MCU: variants seen among roughly 807,000 people sequenced by gnomAD.
The protein encoded by MCU is calcium uniporter protein, mitochondrial.
In MCU, 12 loss-of-function variants were observed where a neutral mutation model predicts 45.2. That is an observed-to-expected ratio of 0.27 (90% confidence interval 0.17 to 0.43). The LOEUF is 0.43. Among genes scored for constraint, MCU ranks in the 20% least tolerant of loss-of-function variants. The pLI is 1.00. For synonymous variants in MCU, 160 were observed against 165.1 expected, an observed-to-expected ratio of 0.97 and a Z score of 0.24; for missense variants, 324 against 436.7, an observed-to-expected ratio of 0.74 and a Z score of 2.30.
chr10:72,802,364 A>G (rs1200256986), intron 1 of MCU, among the ~76,000 whole-genome samples: 1 of 151,388 alleles, frequency 6.6e-6, no homozygotes, highest in Non-Finnish European at 1.5e-5. Flanking sequence ...TAAAAATAAT[A>G]TTGTACTTAA....
At chr10:72,708,085 T>C (rs1231166747) in intron 1 of MCU, among the ~76,000 whole-genome samples, 2 of 152,228 alleles carry the variant, frequency 1.3e-5, no homozygotes, top group Non-Finnish European at 2.9e-5. Context: ...TCAGGTATTG[T>C]GTATTTGCTT....
At chr10:72,838,846 C>T (rs1367094843) in intron 2 of MCU, among the ~76,000 whole-genome samples, 1 of 152,060 alleles carries the variant, frequency 6.6e-6, no homozygotes, top group Admixed American at 6.5e-5. Flanking sequence ...AACCTAAGGT[C>T]TGTGCATGGT....
intron 1 of MCU, among the ~76,000 whole-genome samples, chr10:72,764,950 T>C (rs182944871): frequency 5.3e-5 from 8 of 152,182 alleles, no homozygotes; most frequent in African/African-American, 1.9e-4. Flanking sequence ...TTTGCCCTTA[T>C]AAAGAATTAA....
At chr10:72,834,181 A>G (rs2132834105) in intron 1 of MCU, among the ~76,000 whole-genome samples, 178 bp from the exon 2 acceptor site, 1 of 152,320 alleles carries the variant, frequency 6.6e-6, no homozygotes, top group Non-Finnish European at 1.5e-5. Context: ...CACCACTATT[A>G]TTTCAGGATG....
chr10:72,819,038 G>A (rs994996300), intron 1 of MCU, among the ~76,000 whole-genome samples: 1 of 151,956 alleles, frequency 6.6e-6, no homozygotes, highest in African/African-American at 2.4e-5. Flanking sequence ...TCTTCTGATG[G>A]GCAAGACAGA....
At chr10:72,762,798 T>C (rs1020437052) in intron 1 of MCU, among the ~76,000 whole-genome samples, 4 of 152,216 alleles carry the variant, frequency 2.6e-5, no homozygotes, top group Non-Finnish European at 4.4e-5. Flanking sequence ...GTCATAAAAC[T>C]GTTCCCCAGT....
At chr10:72,804,017 AATATATATATATATATATATATAT>A (rs35518652) in intron 1 of MCU, among the ~76,000 whole-genome samples, 990 of 34,886 alleles carry the variant, frequency 0.028, 46 homozygotes, top group African/African-American at 0.057. Context: ...AATGTAAGTA[AATATATATATATATATATATATAT>A]ATATATATAT....
intron 1 of MCU, among the ~76,000 whole-genome samples, chr10:72,741,751 G>A (rs867002421): frequency 6.6e-6 from 1 of 152,048 alleles, no homozygotes; most frequent in Non-Finnish European, 1.5e-5. Flanking sequence ...ATTGGAGACT[G>A]GGCCTGGTGG....
At chr10:72,715,991 A>G (rs923318751) in intron 1 of MCU, 1 of 625,954 alleles carries the variant, frequency 1.6e-6, no homozygotes, top group Non-Finnish European at 2.0e-6. Flanking sequence ...TATGAAATCT[A>G]TGTTGCCAGT....
At chr10:72,805,766 C>T (rs1050566397) in intron 1 of MCU, among the ~76,000 whole-genome samples, 1 of 152,178 alleles carries the variant, frequency 6.6e-6, no homozygotes, top group Non-Finnish European at 1.5e-5. Flanking sequence ...TATGTACAGG[C>T]ACTTCCTGCT....
chr10:72,756,241 C>T (rs185254614), intron 1 of MCU, among the ~76,000 whole-genome samples: 1 of 152,110 alleles, frequency 6.6e-6, no homozygotes, highest in Non-Finnish European at 1.5e-5. Context: ...CCTGCCTCAG[C>T]CTCCAAAAGT....
intron 1 of MCU, among the ~76,000 whole-genome samples, chr10:72,744,259 G>A (rs966507720): frequency 2.0e-5 from 3 of 148,348 alleles, no homozygotes; most frequent in African/African-American, 5.0e-5. Flanking sequence ...AAGATTTTTG[G>A]GTGCGTAATA....
intron 1 of MCU, among the ~76,000 whole-genome samples, chr10:72,774,752 A>G (rs1589453720): frequency 1.3e-5 from 2 of 152,312 alleles, no homozygotes; most frequent in East Asian, 1.9e-4. Flanking sequence ...AGCTATACTT[A>G]TATTGAATAA....
intron 1 of MCU, among the ~76,000 whole-genome samples, chr10:72,794,331 G>C (rs1844212885): frequency 1.3e-5 from 2 of 152,164 alleles, no homozygotes; most frequent in Non-Finnish European, 2.9e-5. Flanking sequence ...GAGATTCATA[G>C]AGTTACTGAA....
chr10:72,862,918 GAAAAA>G (rs1225961949), intron 4 of MCU, among the ~76,000 whole-genome samples: 1 of 133,320 alleles, frequency 7.5e-6, no homozygotes, highest in Admixed American at 7.5e-5. Context: ...TAAAAAAAAA[GAAAAA>G]AAAAAAAGAA....
At chr10:72,725,890 A>G (rs1843091992) in intron 1 of MCU, among the ~76,000 whole-genome samples, 2 of 152,164 alleles carry the variant, frequency 1.3e-5, no homozygotes, top group African/African-American at 4.8e-5. Flanking sequence ...CTGAAAAAAA[A>G]GAAAAAAAAT....
intron 1 of MCU, among the ~76,000 whole-genome samples, chr10:72,808,767 A>G (rs1034505982): frequency 5.3e-5 from 8 of 152,192 alleles, no homozygotes; most frequent in African/African-American, 1.2e-4. Flanking sequence ...ACATCTTACT[A>G]TGGTGGAGCA....
intron 1 of MCU, among the ~76,000 whole-genome samples, chr10:72,764,128 C>T (rs1228229650): frequency 6.6e-6 from 1 of 152,154 alleles, no homozygotes. Context: ...GTTGACTGGA[C>T]ACATGTTTTG....
chr10:72,885,136 T>C (rs1461537812), intron 7 of MCU, among the ~76,000 whole-genome samples: 2 of 152,198 alleles, frequency 1.3e-5, no homozygotes, highest in Non-Finnish European at 2.9e-5. Context: ...GAGTTCTGTC[T>C]TCCTTTGCTA....
Sources: gnomAD v4.1 joint callset for allele counts (sites outside exome capture counted in the v4.1 genomes callset) on GRCh38, gnomAD v4.1.1 for gene constraint, MANE v1.5 for transcripts, NCBI Gene and HGNC (gene_info 2026-07-23, HGNC 2026-07-21) for gene names.